ERO1B: variants seen among roughly 807,000 people sequenced by gnomAD.
ERO1B encodes the protein ERO1-like protein beta.
Under a neutral mutation model 75.3 loss-of-function variants are expected in ERO1B, and 49 were observed. The observed-to-expected ratio is 0.65, with a 90% CI of 0.52 to 0.83. The LOEUF (loss-of-function observed/expected upper bound fraction) is 0.83. Ranked by LOEUF, ERO1B falls within the 40% of genes least tolerant of loss-of-function variation. ERO1B has a pLI of 0.00. For synonymous variants in ERO1B, 191 were observed against 192.9 expected (o/e 0.99, Z 0.08); for missense variants, 512 against 560.1 (o/e 0.91, Z 0.87).
rs1726671 is a variant in ERO1B, at chr1:236,264,228, C to G, written c.222+5647G>C. Among the ~76,000 whole-genome samples the G allele has an allele frequency of 4.0e-5, 6 of 151,868 alleles. 1 individual carries two copies. The highest frequency in any genetic ancestry group is 8.8e-5 in the Non-Finnish European group (6 of 67,954). On this transcript the variant is annotated intron_variant, in intron 2 of 15. Transcript: ENST00000354619. ...CAATTCTCATGCCTCTGCCTGCCCCCCAACCAGTAGCTGGAATTACAGGCA... is the reference window on the plus strand; with the variant it reads ...CAATTCTCATGCCTCTGCCTGCCCCGCAACCAGTAGCTGGAATTACAGGCA...
intron 2 of ERO1B, among the ~76,000 whole-genome samples, chr1:236,262,571 T>A (rs1183351581): frequency 6.6e-6 from 1 of 151,994 alleles, no homozygotes; most frequent in African/African-American, 2.4e-5. Context: ...GCCTAATTTT[T>A]TTTTTGTATT....
chr1:236,228,253 G>A (rs1469310127), intron 10 of ERO1B, among the ~76,000 whole-genome samples: 1 of 152,152 alleles, frequency 6.6e-6, no homozygotes, highest in African/African-American at 2.4e-5. Context: ...ACTGCAATGA[G>A]GTAGGGGATA....
At chr1:236,278,755 T>C (rs1211456878) in intron 1 of ERO1B, among the ~76,000 whole-genome samples, 1 of 152,206 alleles carries the variant, frequency 6.6e-6, no homozygotes, top group Non-Finnish European at 1.5e-5. Context: ...CCAAAGTATA[T>C]TTACATTTCA....
intron 2 of ERO1B, among the ~76,000 whole-genome samples, chr1:236,261,601 A>G (rs954139986): frequency 4.6e-5 from 7 of 152,234 alleles, no homozygotes; most frequent in African/African-American, 1.7e-4. Flanking sequence ...TGAAAGATCT[A>G]TGCACTAAAA....
chr1:236,272,673 A>G (rs567596852), intron 1 of ERO1B, among the ~76,000 whole-genome samples: 34 of 152,280 alleles, frequency 2.2e-4, no homozygotes, highest in East Asian at 3.9e-4. Flanking sequence ...TACTGCCAGT[A>G]TCCTTTAAGC....
At chr1:236,274,128 C>T (rs1245190597) in intron 1 of ERO1B, among the ~76,000 whole-genome samples, 1 of 151,810 alleles carries the variant, frequency 6.6e-6, no homozygotes, top group Non-Finnish European at 1.5e-5. Flanking sequence ...GGACTACAGG[C>T]ACATGCCACC....
At chr1:236,235,729 A>G in intron 8 of ERO1B, 60 bp downstream of exon 8, 8 of 1,381,114 alleles carry the variant, frequency 5.8e-6, no homozygotes, top group Non-Finnish European at 8.0e-6. Context: ...TATGAAGTTT[A>G]GTTATAAAGA....
rs1158964688 is a variant in ERO1B, at chr1:236,236,366, G to T, written c.538C>A (p.Leu180Ile). Residue 180 changes from leucine to isoleucine, a missense_variant, in exon 7 of 16, where the codon CTA becomes ATA. Leu to Ile is a conservative substitution (Grantham distance 5). Transcript: ENST00000354619. The part of the protein sequence containing the change: ...ERSPAAQYVD[L>I]LLNPERYTGY... ...GTGTAACGCTCTGGGTTCAGCAATA[G>T]GTCTACATACTGAGCAGCTGGAGAT... The T allele has an allele frequency of 6.2e-7, 1 of 1,613,696 alleles. No homozygotes were observed. The highest frequency in any genetic ancestry group is 1.7e-5 in the Admixed American group (1 of 59,990).
chr1:236,273,300 C>T (rs1257077314), intron 1 of ERO1B, among the ~76,000 whole-genome samples: 1 of 152,168 alleles, frequency 6.6e-6, no homozygotes, highest in African/African-American at 2.4e-5. Flanking sequence ...TGCAACCTTG[C>T]TGACATCTTG....
chr1:236,222,810 T>TG (rs1353909301), intron 13 of ERO1B, among the ~76,000 whole-genome samples: 3 of 152,202 alleles, frequency 2.0e-5, no homozygotes, highest in Non-Finnish European at 4.4e-5. Flanking sequence ...TCAATATGAA[T>TG]GATAACAGGC....
chr1:236,260,083 GTT>G (rs34454629), intron 2 of ERO1B, among the ~76,000 whole-genome samples: 12 of 151,180 alleles, frequency 7.9e-5, no homozygotes, highest in African/African-American at 2.9e-4. Context: ...TGAAACCAAA[GTT>G]TTTTTTTAAA....
intron 5 of ERO1B, 76 bp downstream of exon 5, chr1:236,249,809 T>C: frequency 1.7e-6 from 2 of 1,173,836 alleles, no homozygotes; most frequent in Non-Finnish European, 2.4e-6. Flanking sequence ...TTCGAAAATG[T>C]TTTACCAAAA....
intron 10 of ERO1B, among the ~76,000 whole-genome samples, chr1:236,229,976 G>A (rs1247919526): frequency 6.6e-6 from 1 of 152,112 alleles, no homozygotes; most frequent in African/African-American, 2.4e-5. Flanking sequence ...TAAGATTAGG[G>A]AACCAGTTAT....
chr1:236,278,906 G>A (rs1254362448), intron 1 of ERO1B, among the ~76,000 whole-genome samples: 1 of 152,158 alleles, frequency 6.6e-6, no homozygotes, highest in Non-Finnish European at 1.5e-5. Context: ...GTGAACAGAG[G>A]TAGTTTTCAA....
At position 236,215,452 on chromosome 1, in the gene ERO1B, C is replaced by T. The variant is rs1369516264; in HGVS notation, c.*3064G>A. 1 of 152,150 alleles carries T rather than the reference C, an allele frequency of 6.6e-6. No homozygotes were observed. Among genetic ancestry groups the T allele is most frequent in the Non-Finnish European group, 1.5e-5 (1 of 68,022 alleles). 9.4% of individuals were successfully genotyped at this position (152,150 alleles called of 1,614,324 possible). On this transcript the variant is annotated 3_prime_UTR_variant, in exon 16 of 16. Transcript: ENST00000354619. ...CATTATGATAAGAAACAACCTCAGA[C>T]TACTTATAAATACATTTTCTCCCTT...
intron 1 of ERO1B, among the ~76,000 whole-genome samples, chr1:236,279,865 G>GTAAGTA (rs2102969627): frequency 7.0e-6 from 1 of 143,488 alleles, no homozygotes; most frequent in South Asian, 2.2e-4. Flanking sequence ...AAAAAAGAAA[G>GTAAGTA]TAAGTACTGC....
chr1:236,218,696 A>C, intron 15 of ERO1B, 120 bp from the exon 16 acceptor site: 1 of 848,780 alleles, frequency 1.2e-6, no homozygotes, highest in Non-Finnish European at 1.5e-6. Flanking sequence ...AACCTCAAAC[A>C]CTGAAGCTTC....
chr1:236,265,292 C>T (rs1411860908), intron 2 of ERO1B, among the ~76,000 whole-genome samples: 1 of 152,062 alleles, frequency 6.6e-6, no homozygotes, highest in East Asian at 1.9e-4. Context: ...ATCAGGAGCA[C>T]ATATTGAATT....
chr1:236,268,696 C>G (rs376136477), intron 2 of ERO1B, among the ~76,000 whole-genome samples: 1 of 151,438 alleles, frequency 6.6e-6, no homozygotes, highest in South Asian at 2.1e-4. Context: ...ACCATCCTGG[C>G]TAACATGGTG....
Sources: allele counts gnomAD v4.1 joint callset (sites outside exome capture counted in the v4.1 genomes callset), GRCh38; gene constraint gnomAD v4.1.1; transcripts MANE v1.5; gene names NCBI Gene and HGNC (gene_info 2026-07-23, HGNC 2026-07-21).